The following EPHA8 variants were observed in gnomAD, a reference collection of about 807,000 sequenced individuals.
EPHA8 encodes the protein EPH receptor A8.
In EPHA8, 58 loss-of-function variants were observed where a neutral mutation model predicts 103.6. That is an observed-to-expected ratio of 0.56 (90% CI 0.45 to 0.70). The LOEUF (loss-of-function observed/expected upper bound fraction) is 0.70, where lower values mean the gene tolerates loss of function less well. Among genes scored for constraint, EPHA8 ranks in the 30% least tolerant of loss-of-function variants. The pLI, the probability that EPHA8 is intolerant of heterozygous loss-of-function variation, is 0.00. For missense variants in EPHA8, 1,304 were observed against 1,395.2 expected, an observed-to-expected ratio of 0.93 and a Z score of 1.04; for synonymous variants, 559 against 572.5, an observed-to-expected ratio of 0.98 and a Z score of 0.34.
In EPHA8 at chr1:22,589,149, G is replaced by C. The variant is rs543209822; in HGVS notation, c.1258G>C (p.Asp420His). The change falls in exon 5 of 17, where the codon GAC (aspartate) becomes CAC (histidine). Residue 420 changes from aspartate (D) to histidine (H), a missense_variant. Coordinates refer to ENST00000166244, the MANE Select transcript of EPHA8 (RefSeq NM_020526.5). This position sits in a 1 kb window ranked among gnomAD's most constrained non-coding sequence, Gnocchi z 4.3. ...FWIEAVNGVSDLSPEPRRAAV... is the reference protein window; with the variant it reads ...FWIEAVNGVSHLSPEPRRAAV... The stretch of plus-strand genomic sequence containing the variant: ...GATCGAGGCCGTCAATGGCGTGTCC[G>C]ACCTGAGCCCCGAGCCCCGCCGGGC... 3.7e-6 allele frequency: 6 copies of C among 1,613,876 alleles called. No individual in the cohort carries two copies. Among genetic ancestry groups the C allele is most frequent in the Non-Finnish European group, 5.1e-6 (6 of 1,180,006 alleles).
chr1:22,578,431 T>C (rs1640852037), intron 3 of EPHA8, among the ~76,000 whole-genome samples: 1 of 134,412 alleles, frequency 7.4e-6, no homozygotes, highest in African/African-American at 3.0e-5. Context: ...TGTACGTATG[T>C]GTACGTGTGT....
At position 22,569,288 on chromosome 1, in the gene EPHA8, G is replaced by A; in HGVS notation, c.95-1G>A. 6.2e-7 allele frequency: 1 copy of A among 1,613,286 alleles called. No individual in the cohort carries two copies. Among genetic ancestry groups the A allele is most frequent in the Non-Finnish European group, 8.5e-7 (1 of 1,179,668 alleles). The stretch of plus-strand genomic sequence containing the variant: ...ATGCCCTCTTGTCTCCTGTTTTACA[G>A]TGAATTTGCTGGACACGTCGACCAT... On this transcript the variant is annotated splice_acceptor_variant, in intron 1 of 16. Transcript: ENST00000166244. LOFTEE classifies it high-confidence loss of function. The surrounding 1 kb of genome is among the most constrained non-coding windows in gnomAD (Gnocchi z 4.5).
At position 22,576,083 on chromosome 1, in the gene EPHA8, A is replaced by G; in HGVS notation, c.160-134A>G. On this transcript the variant is annotated intron_variant, in intron 2 of 16. Transcript: ENST00000166244. The surrounding 1 kb of genome is among the most constrained non-coding windows in gnomAD (Gnocchi z 4.8). ...AGATCATGTCTGCAGGGGGCCTGGC[A>G]TCTAGTAGCCACCAGGAGGCCAGCT... is the stretch of plus-strand genomic sequence containing the variant. The G allele has an allele frequency of 1.0e-6, 1 of 978,348 alleles. No individual in the cohort carries two copies. The highest frequency in any genetic ancestry group is 1.5e-6 in the Non-Finnish European group (1 of 651,764). 60.6% of individuals were successfully genotyped at this position (978,348 alleles called of 1,614,324 possible).
rs1223776665 is a variant in EPHA8 at position 22,576,849 on chromosome 1, C to G, written c.792C>G (p.Ala264=). The G allele has an allele frequency of 6.2e-7, 1 of 1,601,868 alleles. No homozygotes were observed. The highest frequency in any genetic ancestry group is 1.3e-5 in the African/African-American group (1 of 74,702). ...CCATCGGCAAATGCGTGTGCAGTGC[C>G]GGCTACGAGGAGCGGCGGGATGCCT... The part of the protein sequence containing the change: ...LVPIGKCVCS[A]GYEERRDACV... The change falls in exon 3 of 17, where the codon GCC becomes GCG. Residue 264 remains alanine (A), a synonymous_variant. Coordinates refer to ENST00000166244, the MANE Select transcript of EPHA8 (RefSeq NM_020526.5). This position sits in a 1 kb window ranked among gnomAD's most constrained non-coding sequence, Gnocchi z 4.8.
At chr1:22,578,272 G>A (rs1316406244) in intron 3 of EPHA8, among the ~76,000 whole-genome samples, 1 of 149,552 alleles carries the variant, frequency 6.7e-6, no homozygotes, top group African/African-American at 2.5e-5. Flanking sequence ...GTGTGTGCAT[G>A]AGTGCATGTG....
In EPHA8 at chr1:22,565,217, G is replaced by A. The variant is rs186898868; in HGVS notation, c.94+1488G>A. Among the ~76,000 whole-genome samples, 45 of 152,290 alleles carry A rather than the reference G, an allele frequency of 3.0e-4. No homozygotes were observed. The East Asian group carries it at 7.7e-3, about 26-fold the overall frequency. ...GCCCGTCGTTTGCATCCATGCCCACGGAAATGCATGTGCACCAACAAACAC... is the reference window on the plus strand; with the variant it reads ...GCCCGTCGTTTGCATCCATGCCCACAGAAATGCATGTGCACCAACAAACAC... On this transcript the variant is annotated intron_variant, in intron 1 of 16. Coordinates refer to ENST00000166244, the MANE Select transcript of EPHA8 (RefSeq NM_020526.5).
At chr1:22,599,362 A>T (rs1205061733) in intron 13 of EPHA8, among the ~76,000 whole-genome samples, 1 of 152,064 alleles carries the variant, frequency 6.6e-6, no homozygotes, top group Admixed American at 6.5e-5. Context: ...TCTGTCTCTA[A>T]AGTTTGCCTA....
At chr1:22,596,375 C>G (rs950694580) in intron 9 of EPHA8, among the ~76,000 whole-genome samples, 2 of 152,200 alleles carry the variant, frequency 1.3e-5, no homozygotes, top group Non-Finnish European at 2.9e-5. Flanking sequence ...AGACCCCATT[C>G]AGGATGCTAG....
Position 22,598,890 on chromosome 1 carries a change from T to C in EPHA8, c.2231T>C (p.Val744Ala), listed in dbSNP as rs1403843416. The change falls in exon 13 of 17, where the codon GTG (valine) becomes GCG (alanine). Residue 744 changes from valine (V) to alanine (A), a missense_variant. Coordinates refer to ENST00000166244, the MANE Select transcript of EPHA8 (RefSeq NM_020526.5). This position sits in a 1 kb window ranked among gnomAD's most constrained non-coding sequence, Gnocchi z 5.1. ...IMQLVGMLRG[V>A]GAGMRYLSDL... ...CAGCTGGTGGGCATGCTGAGAGGAG[T>C]GGGTGCCGGCATGCGCTACCTCTCA... 1.1e-5 allele frequency: 17 copies of C among 1,608,978 alleles called. No homozygotes were observed. Among genetic ancestry groups the C allele is most frequent in the Non-Finnish European group, 1.4e-5 (17 of 1,179,082 alleles).
At position 22,593,444 on chromosome 1, in the gene EPHA8, C is replaced by T. The variant is rs535468226; in HGVS notation, c.1434C>T (p.Tyr478=). The change falls in exon 6 of 17, where the codon TAC becomes TAT. Residue 478 remains tyrosine (Y), a synonymous_variant. Transcript: ENST00000166244. ...GIILEYEIKY[Y]EKDKEMQSYS... The stretch of plus-strand genomic sequence containing the variant: ...TCCTGGAGTATGAGATCAAGTACTA[C>T]GAGAAGGTACCACGGGCAGGACGGA... 5.6e-6 allele frequency: 9 copies of T among 1,610,714 alleles called. No homozygotes were observed. The highest frequency in any genetic ancestry group is 2.7e-5 in the African/African-American group (2 of 75,032).
At chr1:22,584,386 A>C (rs1350470096) in intron 3 of EPHA8, among the ~76,000 whole-genome samples, 1 of 152,104 alleles carries the variant, frequency 6.6e-6, no homozygotes. Context: ...AATGGTGCGT[A>C]TTTTCCCCCA....
At chr1:22,574,107 T>C (rs1640617564) in intron 2 of EPHA8, among the ~76,000 whole-genome samples, 1 of 152,160 alleles carries the variant, frequency 6.6e-6, no homozygotes, top group South Asian at 2.1e-4. Context: ...GCCTCCTGAG[T>C]AGCTGGGACT....
At chr1:22,586,740 A>G (rs1641220819) in intron 4 of EPHA8, 105 bp downstream of exon 4, 9 of 1,340,822 alleles carry the variant, frequency 6.7e-6, no homozygotes, top group African/African-American at 1.6e-5. Flanking sequence ...CTGGTGGGGC[A>G]GGGGCGGGTG....
intron 3 of EPHA8, among the ~76,000 whole-genome samples, chr1:22,579,065 G>T (rs1640940410): frequency 6.7e-6 from 1 of 150,364 alleles, no homozygotes; most frequent in African/African-American, 2.5e-5. Flanking sequence ...ATGTATGTAT[G>T]CATGTGTGTG....
rs1327908869 is a variant in EPHA8, at chr1:22,563,493, G to A, written c.-143G>A. 1 of 146,404 alleles carries A rather than the reference G, an allele frequency of 6.8e-6. No homozygotes were observed. The highest frequency in any genetic ancestry group is 1.5e-5 in the Non-Finnish European group (1 of 65,594). The allele number at this position is 146,404 out of a possible 1,614,324, so 9.1% of individuals were successfully genotyped here. On this transcript the variant is annotated 5_prime_UTR_variant, in exon 1 of 17. Coordinates refer to ENST00000166244, the MANE Select transcript of EPHA8 (RefSeq NM_020526.5). The surrounding 1 kb of genome is among the most constrained non-coding windows in gnomAD (Gnocchi z 4.4). ...GCGGCGGGCGCGGGTGCCCGCGTGT[G>A]CGCTGGGAGCCGCGTGTGCGCCGGG... is the stretch of plus-strand genomic sequence containing the variant.
rs753763514 is a variant in EPHA8, at chr1:22,601,772, A to AGGCAGCCACCG, written c.*31_*32insGGCAGCCACCG. The stretch of plus-strand genomic sequence containing the variant: ...AGCCAGCAGGGCCCAGGCAGCCACC[A>AGGCAGCCACCG]AGCCCACCCCAGGTCATGCCAGCGG... On this transcript the variant is annotated 3_prime_UTR_variant, in exon 17 of 17. Coordinates refer to ENST00000166244, the MANE Select transcript of EPHA8 (RefSeq NM_020526.5). The AGGCAGCCACCG allele has an allele frequency of 6.5e-7, 1 of 1,541,922 alleles. No homozygotes were observed. The highest frequency in any genetic ancestry group is 1.4e-5 in the African/African-American group (1 of 72,958).
intron 2 of EPHA8, among the ~76,000 whole-genome samples, chr1:22,575,205 C>A (rs1640650166): frequency 6.6e-6 from 1 of 152,204 alleles, no homozygotes; most frequent in Non-Finnish European, 1.5e-5. Context: ...CCTGCTTCGG[C>A]CTCCCAAAGT....
intron 7 of EPHA8, among the ~76,000 whole-genome samples, chr1:22,594,420 G>A (rs1570021454): frequency 6.6e-6 from 1 of 152,222 alleles, no homozygotes; most frequent in African/African-American, 2.4e-5. Context: ...CTCACCTGGG[G>A]ACTTACCAAA....
chr1:22,582,399 C>CT (rs886566460), intron 3 of EPHA8, among the ~76,000 whole-genome samples: 1 of 152,204 alleles, frequency 6.6e-6, no homozygotes, highest in African/African-American at 2.4e-5. Flanking sequence ...GGGTTTTGCC[C>CT]TTAGAGGTAC....
Sources: gnomAD v4.1 joint callset for allele counts (sites outside exome capture counted in the v4.1 genomes callset) on GRCh38, gnomAD v4.1.1 for gene constraint, Gnocchi (gnomAD v3.1) non-coding constraint, MANE v1.5 for transcripts, NCBI Gene and HGNC (gene_info 2026-07-23, HGNC 2026-07-21) for gene names.